LTBP1: variants seen among roughly 807,000 people sequenced by gnomAD.
LTBP1 encodes latent transforming growth factor beta binding protein 1.
LTBP1 carries 129 observed loss-of-function variants against 207.6 expected under a neutral mutation model. The ratio of observed to expected loss-of-function variants is 0.62; its 90% CI spans 0.54 to 0.72. LTBP1 has a LOEUF of 0.72. Ranked by LOEUF, LTBP1 falls within the 30% of genes least tolerant of loss-of-function variation. The pLI, the probability that LTBP1 is intolerant of heterozygous loss-of-function variation, is 0.00. For missense variants in LTBP1, 2,281 were observed against 2,217.2 expected (o/e 1.03, Z -0.58); for synonymous variants, 963 against 833.7 (o/e 1.16, Z -2.67).
intron 2 of LTBP1, among the ~76,000 whole-genome samples, chr2:32,958,013 C>G (rs1332204411): frequency 1.3e-5 from 2 of 152,120 alleles, no homozygotes; most frequent in Non-Finnish European, 2.9e-5. Context: ...GCTTTTGTTG[C>G]CTTTCTCCTC....
chr2:32,977,864 T>G (rs1682069838), intron 2 of LTBP1, among the ~76,000 whole-genome samples: 2 of 152,184 alleles, frequency 1.3e-5, no homozygotes, highest in South Asian at 4.1e-4. Flanking sequence ...GTAGGATCAG[T>G]GTTCAGTTTG....
intron 31 of LTBP1, among the ~76,000 whole-genome samples, chr2:33,377,069 A>G (rs925252014): frequency 2.6e-5 from 4 of 152,182 alleles, no homozygotes; most frequent in African/African-American, 7.2e-5. Flanking sequence ...AGAAAAGCAA[A>G]CATGGTTTGC....
At chr2:33,261,600 G>A (rs919931259) in intron 13 of LTBP1, among the ~76,000 whole-genome samples, 3 of 152,136 alleles carry the variant, frequency 2.0e-5, no homozygotes, top group African/African-American at 7.2e-5. Context: ...GACGGGGCTT[G>A]CAATGAAAAA....
At chr2:33,119,823 G>T (rs977686049) in intron 4 of LTBP1, among the ~76,000 whole-genome samples, 4 of 152,184 alleles carry the variant, frequency 2.6e-5, no homozygotes, top group South Asian at 2.1e-4. Flanking sequence ...CTCCCAAAGT[G>T]CTGGGATTAT....
intron 7 of LTBP1, among the ~76,000 whole-genome samples, chr2:33,211,136 C>T (rs1158147724): frequency 6.6e-6 from 1 of 152,132 alleles, no homozygotes; most frequent in African/African-American, 2.4e-5. Flanking sequence ...TTCAGTTTAT[C>T]ATTTTTTAGT....
intron 19 of LTBP1, among the ~76,000 whole-genome samples, chr2:33,289,249 G>A (rs972339903): frequency 6.6e-6 from 1 of 152,168 alleles, no homozygotes; most frequent in Non-Finnish European, 1.5e-5. Context: ...CTGATACCTC[G>A]GCAAGTTTCT....
At chr2:33,354,907 GT>G (rs550431495) in intron 26 of LTBP1, among the ~76,000 whole-genome samples, 62 of 152,040 alleles carry the variant, frequency 4.1e-4, no homozygotes, top group African/African-American at 1.5e-3. Flanking sequence ...TGCACAGCTC[GT>G]TTTTAAAATT....
intron 3 of LTBP1, among the ~76,000 whole-genome samples, chr2:33,079,905 GC>G (rs1285548660): frequency 6.6e-6 from 1 of 151,356 alleles, no homozygotes; most frequent in South Asian, 2.1e-4. Flanking sequence ...CTTTTGACTT[GC>G]TATTCTTTCT....
chr2:33,294,526 G>C (rs1281365948), intron 20 of LTBP1, among the ~76,000 whole-genome samples: 2 of 150,236 alleles, frequency 1.3e-5, no homozygotes, highest in African/African-American at 4.9e-5. Context: ...ACTTTTGTCT[G>C]AACTTTAGAA....
rs70938398 is a variant in LTBP1, at chr2:33,382,074, CT to C, written c.4712-7072del. Among the ~76,000 whole-genome samples the C allele has an allele frequency of 1.2e-3, 56 of 46,766 alleles. 1 individual carries two copies. Among genetic ancestry groups the C allele is most frequent in the African/African-American group, 4.2e-3 (53 of 12,684 alleles). The allele number at this position is 46,766 out of a possible 152,430, so 30.7% of individuals were successfully genotyped here. On this transcript the variant is annotated intron_variant, in intron 31 of 33. Coordinates refer to ENST00000404816, the MANE Select transcript of LTBP1 (RefSeq NM_206943.4). ...TACAGCAGTTAGCGCCCTACTGCTT[CT>C]TTTTTTTTTTTTTTTTTTTTTTTTT... is the stretch of plus-strand genomic sequence containing the variant.
chr2:33,265,305 A>C (rs1220575275), intron 15 of LTBP1, among the ~76,000 whole-genome samples: 1 of 152,244 alleles, frequency 6.6e-6, no homozygotes, highest in East Asian at 1.9e-4. Context: ...AAAACTTCAG[A>C]ACTATTCAGA....
At position 33,146,160 on chromosome 2, in the gene LTBP1, A is replaced by G. The variant is rs140260740; in HGVS notation, c.1201+11200A>G. 2.2e-4 allele frequency among the ~76,000 whole-genome samples: 33 copies of G among 152,308 alleles called. 2 individuals carry two copies. The East Asian group carries it at 6.4e-3, about 29-fold the overall frequency. On this transcript the variant is annotated intron_variant, in intron 5 of 33. Transcript: ENST00000404816. ...GTTGGGATGTAGGAGTTTGGGCTCT[A>G]TTTCAGCTGGTTATTTGAAATTTGA...
chr2:33,314,767 A>AT (rs2094241283), intron 23 of LTBP1, among the ~76,000 whole-genome samples: 1 of 152,216 alleles, frequency 6.6e-6, no homozygotes, highest in Admixed American at 6.5e-5. Flanking sequence ...ACTACAGACT[A>AT]TAACAGCTGT....
chr2:33,213,319 G>A (rs975020533), intron 7 of LTBP1, among the ~76,000 whole-genome samples: 4 of 152,136 alleles, frequency 2.6e-5, no homozygotes, highest in African/African-American at 9.7e-5. Context: ...GAAATGATAA[G>A]GCTTTCCATG....
Position 33,184,409 on chromosome 2 carries a change from T to C in LTBP1, c.1202-2447T>C, listed in dbSNP as rs149413841. 1.4e-3 allele frequency among the ~76,000 whole-genome samples: 220 copies of C among 152,282 alleles called. 2 individuals carry two copies. The highest frequency in any genetic ancestry group is 5.1e-3 in the African/African-American group (212 of 41,558). ...TCTAGAACCTGAGGTTTCAGCAACA[T>C]AGGTTTACTCATTATCTCCCAAATA... On this transcript the variant is annotated intron_variant, in intron 5 of 33. Coordinates refer to ENST00000404816, the MANE Select transcript of LTBP1 (RefSeq NM_206943.4).
At chr2:33,387,604 C>G (rs1289705743) in intron 31 of LTBP1, among the ~76,000 whole-genome samples, 1 of 152,190 alleles carries the variant, frequency 6.6e-6, no homozygotes, top group Non-Finnish European at 1.5e-5. Context: ...TTGGGCAGTT[C>G]TCAGAATGTG....
intron 3 of LTBP1, among the ~76,000 whole-genome samples, chr2:33,067,737 A>G (rs372717139): frequency 2.6e-5 from 4 of 152,342 alleles, no homozygotes; most frequent in African/African-American, 7.2e-5. Context: ...ATGACATTTT[A>G]TATTAGGGAC....
At chr2:33,042,368 G>T (rs1308565854) in intron 3 of LTBP1, among the ~76,000 whole-genome samples, 3 of 152,184 alleles carry the variant, frequency 2.0e-5, no homozygotes, top group African/African-American at 7.2e-5. Context: ...CCCGACTGGG[G>T]CAAGAGTGAT....
At chr2:33,298,527 T>C (rs1337712743) in intron 20 of LTBP1, among the ~76,000 whole-genome samples, 1 of 152,236 alleles carries the variant, frequency 6.6e-6, no homozygotes, top group Non-Finnish European at 1.5e-5. Context: ...AGAACTATTG[T>C]TGGTCTTCAG....
Sources: gnomAD v4.1 joint callset for allele counts (sites outside exome capture counted in the v4.1 genomes callset) on GRCh38, gnomAD v4.1.1 for gene constraint, MANE v1.5 for transcripts, NCBI Gene and HGNC (gene_info 2026-07-23, HGNC 2026-07-21) for gene names.